Variants in DTNB observed in about 807,000 individuals in gnomAD.
The protein encoded by DTNB is DTN-B.
DTNB carries 63 observed loss-of-function variants against 90.7 expected under a neutral mutation model. The observed-to-expected ratio is 0.69, with a 90% confidence interval of 0.57 to 0.86. DTNB has a LOEUF of 0.86. Among genes scored for constraint, DTNB ranks in the 40% least tolerant of loss-of-function variants. The probability of loss-of-function intolerance (pLI) is 0.00; values close to 1 mark genes in which losing one functional copy is unlikely to be tolerated. For synonymous variants in DTNB, 277 were observed against 286.7 expected (o/e 0.97, Z 0.34); for missense variants, 744 against 807.1 (o/e 0.92, Z 0.95).
chr2:25,464,815 T>C (rs2061520112), intron 10 of DTNB, among the ~76,000 whole-genome samples: 1 of 152,148 alleles, frequency 6.6e-6, no homozygotes, highest in African/African-American at 2.4e-5. Flanking sequence ...GAGAAAACCA[T>C]GAAGGACATT....
At chr2:25,497,358 A>G (rs185324676) in intron 9 of DTNB, 1 of 152,370 alleles carries the variant, frequency 6.6e-6, no homozygotes, top group East Asian at 1.9e-4. Context: ...CCGGTCAGCA[A>G]TTCCATTCCG....
At chr2:25,458,425 G>A (rs1574726808) in intron 10 of DTNB, among the ~76,000 whole-genome samples, 1 of 151,068 alleles carries the variant, frequency 6.6e-6, no homozygotes. Flanking sequence ...AAAAAAAAAA[G>A]AGAGAGAGAA....
chr2:25,670,525 G>C (rs1185880949), intron 1 of DTNB, among the ~76,000 whole-genome samples: 2 of 152,194 alleles, frequency 1.3e-5, no homozygotes, highest in African/African-American at 4.8e-5. Flanking sequence ...TCTGACAAGT[G>C]AGTGTGTGTT....
In DTNB at chr2:25,485,259, C is replaced by G. The variant is rs1439937563; in HGVS notation, c.1002-2386G>C. On this transcript the variant is annotated intron_variant, in intron 9 of 20. Coordinates refer to ENST00000406818, the MANE Select transcript of DTNB (RefSeq NM_021907.5). ...CCTGAGTTCAGGTATCCTCCCACCT[C>G]CACCTCCCAAAATGCTAGGATTACA... Among the ~76,000 whole-genome samples the G allele has an allele frequency of 3.9e-5, 6 of 152,166 alleles. 1 individual carries two copies. The highest frequency in any genetic ancestry group is 3.9e-4 in the Admixed American group (6 of 15,278).
chr2:25,571,020 C>T (rs1311868738), intron 8 of DTNB, among the ~76,000 whole-genome samples: 2 of 152,202 alleles, frequency 1.3e-5, no homozygotes, highest in African/African-American at 4.8e-5. Context: ...AATCAAGGTT[C>T]ATCCTTGATC....
intron 5 of DTNB, among the ~76,000 whole-genome samples, chr2:25,603,865 C>T (rs923302187): frequency 1.3e-5 from 2 of 152,290 alleles, no homozygotes; most frequent in African/African-American, 2.4e-5. Context: ...TACAGTGTTA[C>T]TTCTCTCTTT....
At chr2:25,468,729 T>C (rs2062241776) in intron 10 of DTNB, among the ~76,000 whole-genome samples, 1 of 152,228 alleles carries the variant, frequency 6.6e-6, no homozygotes, top group Non-Finnish European at 1.5e-5. Flanking sequence ...TCGGGGCTCA[T>C]GAAAGCACTT....
At chr2:25,563,953 A>G (rs1269994145) in intron 8 of DTNB, among the ~76,000 whole-genome samples, 1 of 151,782 alleles carries the variant, frequency 6.6e-6, no homozygotes, top group African/African-American at 2.4e-5. Context: ...GCTGGAGTGC[A>G]GTGGTGCGTG....
At position 25,387,377 on chromosome 2, in the gene DTNB, A is replaced by C. The variant is rs1442052428; in HGVS notation, c.1737T>G (p.Gly579=). ...GGTCATTGCGGAGGTTTCTCCTCGT[A>C]CCTGAGGAGAGGCAGAGCAGATGGG... is the stretch of plus-strand genomic sequence containing the variant. The part of the protein sequence containing the change: ...GGDVQEAFAQ[G]TRRNLRNDLL... The change falls in exon 18 of 21, where the codon GGT becomes GGG. Residue 579 remains glycine (G), a splice_region_variant and synonymous_variant. Coordinates refer to ENST00000406818, the MANE Select transcript of DTNB (RefSeq NM_021907.5). The surrounding 1 kb of genome is among the most constrained non-coding windows in gnomAD (Gnocchi z 4.5). The C allele has an allele frequency of 1.2e-6, 2 of 1,611,450 alleles. No individual in the cohort carries two copies. Among genetic ancestry groups the C allele is most frequent in the South Asian group, 2.2e-5 (2 of 90,978 alleles).
chr2:25,380,655 GGCAGT>G (rs2037395551), intron 19 of DTNB, among the ~76,000 whole-genome samples: 1 of 152,280 alleles, frequency 6.6e-6, no homozygotes, highest in Admixed American at 6.5e-5. Context: ...ATGCAGACAG[GGCAGT>G]GCAGGTGTAA....
At chr2:25,596,614 T>C (rs1383095574) in intron 5 of DTNB, among the ~76,000 whole-genome samples, 1 of 152,222 alleles carries the variant, frequency 6.6e-6, no homozygotes, top group Non-Finnish European at 1.5e-5. Flanking sequence ...TGTGTTTATA[T>C]AAGACATATG....
intron 8 of DTNB, among the ~76,000 whole-genome samples, chr2:25,567,583 T>C (rs2059229151): frequency 6.6e-6 from 1 of 152,242 alleles, no homozygotes; most frequent in East Asian, 1.9e-4. Flanking sequence ...TAAGTAACTT[T>C]GTTCAGAGGT....
chr2:25,383,667 G>A (rs2038556069), intron 19 of DTNB, 169 bp downstream of exon 19: 1 of 1,431,348 alleles, frequency 7.0e-7, no homozygotes, highest in Admixed American at 2.5e-5. Flanking sequence ...CTTGTCACCT[G>A]GAAGGTAAAA....
rs1470293062 is a variant in DTNB, at chr2:25,547,270, T to A, written c.877-15673A>T. Reference sequence around the variant, plus strand: ...TGTAGAAATTTTATACCTGTATACTTCTTTTTTTTTTTAATCTACCACTAA... The same window carrying A: ...TGTAGAAATTTTATACCTGTATACTACTTTTTTTTTTTAATCTACCACTAA... On this transcript the variant is annotated intron_variant, in intron 8 of 20. Coordinates refer to ENST00000406818, the MANE Select transcript of DTNB (RefSeq NM_021907.5). Among the ~76,000 whole-genome samples, 3 of 149,270 alleles carry A rather than the reference T, an allele frequency of 2.0e-5. No homozygotes were observed. In the East Asian group the frequency reaches 5.8e-4, roughly 29 times the overall value.
intron 5 of DTNB, among the ~76,000 whole-genome samples, chr2:25,606,865 A>T (rs916549257): frequency 1.3e-5 from 2 of 152,202 alleles, no homozygotes; most frequent in Non-Finnish European, 2.9e-5. Context: ...AGTTATTAAG[A>T]GCTAAACCAG....
At chr2:25,429,067 C>T (rs766478361) in intron 14 of DTNB, among the ~76,000 whole-genome samples, 7 of 152,134 alleles carry the variant, frequency 4.6e-5, no homozygotes, top group Non-Finnish European at 7.3e-5. Flanking sequence ...CCGCTAGCCA[C>T]GCGTGACTAC....
At chr2:25,391,201 A>C (rs765069339) in intron 16 of DTNB, among the ~76,000 whole-genome samples, 1 of 152,094 alleles carries the variant, frequency 6.6e-6, no homozygotes, top group East Asian at 1.9e-4. Context: ...TGGCCTAGGC[A>C]ATGACTTTTT....
At chr2:25,412,449 T>G (rs1430513995) in intron 16 of DTNB, among the ~76,000 whole-genome samples, 10 of 152,192 alleles carry the variant, frequency 6.6e-5, no homozygotes, top group Non-Finnish European at 1.5e-5. Context: ...CCAGGTATAT[T>G]ATCCTTTGGC....
intron 3 of DTNB, among the ~76,000 whole-genome samples, chr2:25,634,362 C>T (rs1323293729): frequency 3.5e-5 from 5 of 141,592 alleles, no homozygotes; most frequent in Admixed American, 2.0e-4. Flanking sequence ...CCCGGCCAGC[C>T]GCCCCGTCCG....
Sources: gnomAD v4.1 joint callset for allele counts (sites outside exome capture counted in the v4.1 genomes callset) on GRCh38, gnomAD v4.1.1 for gene constraint, Gnocchi (gnomAD v3.1) non-coding constraint, MANE v1.5 for transcripts, NCBI Gene and HGNC (gene_info 2026-07-23, HGNC 2026-07-21) for gene names.